SGCZ: variants seen among roughly 807,000 people sequenced by gnomAD.
The protein encoded by SGCZ is zeta-sarcoglycan.
A neutral mutation model predicts 41.3 loss-of-function variants in SGCZ; 40 were observed. That is an observed-to-expected ratio of 0.97 (90% CI 0.75 to 1.26). SGCZ has a LOEUF of 1.26. Ranked by LOEUF, SGCZ falls within the 50% of genes most tolerant of loss-of-function variation. SGCZ has a pLI of 0.00. For missense variants in SGCZ, 552 were observed against 369.8 expected, an observed-to-expected ratio of 1.49 and a Z score of -4.04; for synonymous variants, 206 against 137.5, an observed-to-expected ratio of 1.50 and a Z score of -3.49.
intron 1 of SGCZ, among the ~76,000 whole-genome samples, chr8:15,205,112 T>C (rs1055174161): frequency 1.3e-5 from 2 of 152,170 alleles, no homozygotes; most frequent in Admixed American, 6.5e-5. Context: ...AATCAATTTT[T>C]GGATTAAAGA....
chr8:14,240,127 A>G, intron 3 of SGCZ, among the ~76,000 whole-genome samples: 1 of 151,176 alleles, frequency 6.6e-6, no homozygotes, highest in East Asian at 2.0e-4. Flanking sequence ...AGGAGTTTGA[A>G]ACCAGCCTGG....
chr8:14,125,751 A>C (rs1158399922), intron 5 of SGCZ, among the ~76,000 whole-genome samples: 2 of 152,164 alleles, frequency 1.3e-5, no homozygotes, highest in Non-Finnish European at 1.5e-5. Flanking sequence ...AACCAAAATC[A>C]CATGGTACTG....
chr8:14,904,417 C>G (rs1156815486), intron 1 of SGCZ, among the ~76,000 whole-genome samples: 4 of 151,964 alleles, frequency 2.6e-5, no homozygotes, highest in African/African-American at 7.2e-5. Flanking sequence ...ATCTCATTAT[C>G]AAAGAATACA....
At chr8:14,708,418 C>T (rs548989448) in intron 1 of SGCZ, among the ~76,000 whole-genome samples, 17 of 151,562 alleles carry the variant, frequency 1.1e-4, no homozygotes, top group Middle Eastern at 3.2e-3. Flanking sequence ...AACAGGCAGT[C>T]ACTCCCATAT....
intron 1 of SGCZ, among the ~76,000 whole-genome samples, chr8:15,174,552 T>G (rs1799942233): frequency 1.3e-5 from 2 of 152,164 alleles, no homozygotes; most frequent in Admixed American, 6.5e-5. Context: ...CAAAGACACA[T>G]AAGAATTTCT....
chr8:14,780,374 CAA>C (rs533888354), intron 1 of SGCZ, among the ~76,000 whole-genome samples: 13 of 79,036 alleles, frequency 1.6e-4, no homozygotes, highest in Non-Finnish European at 2.1e-4. Flanking sequence ...GACTCCATCT[CAA>C]AAAAAAAAAA....
intron 1 of SGCZ, among the ~76,000 whole-genome samples, chr8:14,726,015 T>C (rs905293560): frequency 4.3e-4 from 65 of 151,990 alleles, no homozygotes; most frequent in Middle Eastern, 6.3e-3. Flanking sequence ...TCCCAGCACT[T>C]TGGGAGACCA....
At chr8:14,754,132 G>C (rs1428517084) in intron 1 of SGCZ, among the ~76,000 whole-genome samples, 1 of 152,144 alleles carries the variant, frequency 6.6e-6, no homozygotes, top group Non-Finnish European at 1.5e-5. Context: ...GCTTGTCCTT[G>C]ATGTTGACAT....
chr8:14,287,279 C>T (rs759654465), intron 3 of SGCZ, among the ~76,000 whole-genome samples: 34 of 151,508 alleles, frequency 2.2e-4, no homozygotes, highest in Admixed American at 1.2e-3. Flanking sequence ...GGAAAAAAGG[C>T]GAAAAGGTGG....
chr8:14,243,897 G>A (rs1427689054), intron 3 of SGCZ, among the ~76,000 whole-genome samples: 1 of 152,134 alleles, frequency 6.6e-6, no homozygotes, highest in African/African-American at 2.4e-5. Flanking sequence ...TCATTCATGT[G>A]ATTTGTAACC....
intron 1 of SGCZ, among the ~76,000 whole-genome samples, chr8:14,738,183 C>G (rs534962537): frequency 6.6e-6 from 1 of 151,886 alleles, no homozygotes. Context: ...TACAAAAAAT[C>G]TCTGTTTTCA....
At chr8:14,984,126 A>T (rs1015779064) in intron 1 of SGCZ, among the ~76,000 whole-genome samples, 1 of 152,180 alleles carries the variant, frequency 6.6e-6, no homozygotes, top group Admixed American at 6.5e-5. Flanking sequence ...ATAAATATAG[A>T]GAGCGCTGTA....
rs142501901 is a variant in SGCZ, at chr8:14,565,861, G to C, written c.40-10935C>G. On this transcript the variant is annotated intron_variant, in intron 1 of 7. Coordinates refer to ENST00000382080, the MANE Select transcript of SGCZ (RefSeq NM_139167.4). ...GACACCAATGGTTATGAAAAATCTT[G>C]CAAACAATTTTCAAAATACCTTATT... Among the ~76,000 whole-genome samples, 729 of 152,086 alleles carry C rather than the reference G, an allele frequency of 4.8e-3. 1 individual carries two copies. Among genetic ancestry groups the C allele is most frequent in the Middle Eastern group, 0.024 (7 of 294 alleles).
intron 1 of SGCZ, among the ~76,000 whole-genome samples, chr8:14,572,896 C>A (rs752610654): frequency 1.3e-5 from 2 of 152,132 alleles, no homozygotes; most frequent in Non-Finnish European, 2.9e-5. Flanking sequence ...GTTTTCTTAA[C>A]CATGTCAGGC....
intron 1 of SGCZ, among the ~76,000 whole-genome samples, chr8:15,040,644 TC>T (rs1461795660): frequency 2.0e-5 from 3 of 152,052 alleles, no homozygotes; most frequent in Admixed American, 6.6e-5. Flanking sequence ...TGATTTCACT[TC>T]CAAGTAAAAT....
intron 3 of SGCZ, among the ~76,000 whole-genome samples, chr8:14,282,762 A>G (rs553308828): frequency 1.2e-4 from 17 of 146,296 alleles, no homozygotes; most frequent in African/African-American, 4.3e-4. Context: ...CCCTTTCCCC[A>G]CCTATTAGCT....
chr8:14,648,529 G>C (rs1314310966), intron 1 of SGCZ, among the ~76,000 whole-genome samples: 1 of 152,040 alleles, frequency 6.6e-6, no homozygotes, highest in Admixed American at 6.6e-5. Context: ...AAGATTAAAG[G>C]TTCCAAACTG....
chr8:14,544,507 A>C (rs1165612426), intron 2 of SGCZ, among the ~76,000 whole-genome samples: 2 of 152,082 alleles, frequency 1.3e-5, no homozygotes, highest in African/African-American at 4.8e-5. Context: ...GATATTGCTA[A>C]ATTCTTTTCC....
chr8:15,022,122 A>T (rs7830861), intron 1 of SGCZ, among the ~76,000 whole-genome samples: 72,079 of 152,046 alleles, frequency 0.47, 17,659 homozygotes, highest in East Asian at 0.58. Context: ...GGTAACAATG[A>T]TAATTTCAAA....
Sources: gnomAD v4.1 joint callset for allele counts (sites outside exome capture counted in the v4.1 genomes callset) on GRCh38, gnomAD v4.1.1 for gene constraint, MANE v1.5 for transcripts, NCBI Gene and HGNC (gene_info 2026-07-23, HGNC 2026-07-21) for gene names.